The following MAP1LC3A variants were observed in gnomAD, a reference collection of about 807,000 sequenced individuals.
MAP1LC3A encodes microtubule associated protein 1 light chain 3 alpha, also known as microtubule-associated protein 1 light chain 3 alpha.
Under a neutral mutation model 15.2 loss-of-function variants are expected in MAP1LC3A, and 10 were observed. That is an observed-to-expected ratio of 0.66 (90% CI 0.41 to 1.12). The LOEUF (loss-of-function observed/expected upper bound fraction) is 1.12. Among genes scored for constraint, MAP1LC3A ranks in the 50% most tolerant of loss-of-function variants. The pLI is 0.00. For synonymous variants in MAP1LC3A, 63 were observed against 64.3 expected, an observed-to-expected ratio of 0.98 and a Z score of 0.10; for missense variants, 138 against 167.3, an observed-to-expected ratio of 0.82 and a Z score of 0.97.
intron 3 of MAP1LC3A, 68 bp from the exon 4 acceptor site, chr20:34,559,667 TG>T (rs897704526): frequency 6.0e-6 from 9 of 1,492,666 alleles, no homozygotes; most frequent in African/African-American, 4.2e-5. Context: ...GGAATCATTC[TG>T]GGGGTCAGGG....
chr20:34,560,279 C>A lies in MAP1LC3A; in HGVS notation c.*381C>A. The A allele has an allele frequency of 8.9e-6, 2 of 224,244 alleles. No individual in the cohort carries two copies. The highest frequency in any genetic ancestry group is 7.0e-5 in the South Asian group (1 of 14,282). The allele number at this position is 224,244 out of a possible 1,614,324, so 13.9% of individuals were successfully genotyped here. ...CCCCTGGCTCCCCGCCCCTCGGTCT[C>A]CACGTGGTGTATGGATCTGTGGTCA... On this transcript the variant is annotated 3_prime_UTR_variant, in exon 4 of 4. Coordinates refer to ENST00000360668, the MANE Select transcript of MAP1LC3A (RefSeq NM_032514.4).
intron 2 of MAP1LC3A, among the ~76,000 whole-genome samples, chr20:34,551,111 G>A (rs1981929076): frequency 6.6e-6 from 1 of 151,926 alleles, no homozygotes; most frequent in African/African-American, 2.4e-5. Context: ...AATTAGCCAG[G>A]CCTGGTGGCA....
intron 1 of MAP1LC3A, among the ~76,000 whole-genome samples, chr20:34,548,480 G>A (rs1568608985): frequency 2.2e-5 from 3 of 136,630 alleles, no homozygotes; most frequent in South Asian, 4.4e-4. Flanking sequence ...GCCTGAGCAC[G>A]CCCCTGGCTC....
At chr20:34,559,552 G>C (rs1482820358) in intron 3 of MAP1LC3A, 99 bp downstream of exon 3, 1 of 1,295,108 alleles carries the variant, frequency 7.7e-7, no homozygotes, top group East Asian at 2.4e-5. Flanking sequence ...GATGGGACCG[G>C]GCGGTGGGCC....
At position 34,559,867 on chromosome 20, in the gene MAP1LC3A, T is replaced by C; in HGVS notation, c.335T>C (p.Val112Ala). 2 of 1,613,084 alleles carry C rather than the reference T, an allele frequency of 1.2e-6. No individual in the cohort carries two copies. Reference protein sequence around the residue: ...EKDEDGFLYMVYASQETFGF With the variant: ...EKDEDGFLYMAYASQETFGF ...GACGAGGACGGCTTCCTCTATATGG[T>C]CTACGCCTCCCAGGAAACCTTCGGC... Residue 112 changes from valine (V) to alanine (A), a missense_variant, in exon 4 of 4, where the codon GTC becomes GCC. Transcript: ENST00000360668.
At chr20:34,552,670 G>A (rs374117212) in intron 2 of MAP1LC3A, among the ~76,000 whole-genome samples, 19 of 152,368 alleles carry the variant, frequency 1.2e-4, no homozygotes, top group Admixed American at 2.6e-4. Flanking sequence ...TCCTGAGAGC[G>A]GACTGAAGGA....
upstream of MAP1LC3A, among the ~76,000 whole-genome samples, chr20:34,554,364 T>G (rs1262231521): frequency 0.021 from 82 of 3,906 alleles, no homozygotes; most frequent in African/African-American, 0.056. Context: ...GTTTTTTTTT[T>G]TTTTTTTTTT....
intron 2 of MAP1LC3A, among the ~76,000 whole-genome samples, chr20:34,553,353 C>T (rs929930637): frequency 2.6e-5 from 4 of 151,996 alleles, no homozygotes; most frequent in Non-Finnish European, 5.9e-5. Context: ...AGAGGTCAGG[C>T]CACTGGATTC....
intron 2 of MAP1LC3A, among the ~76,000 whole-genome samples, chr20:34,553,519 C>T (rs1006928188): frequency 1.3e-5 from 2 of 152,132 alleles, no homozygotes; most frequent in Non-Finnish European, 2.9e-5. Flanking sequence ...AATCACTTTC[C>T]AAGGCTGACC....
In MAP1LC3A at chr20:34,558,915, C is replaced by T. The variant is rs1982281430; in HGVS notation, c.40+7C>T. On this transcript the variant is annotated splice_region_variant and intron_variant, in intron 1 of 3. Coordinates refer to ENST00000360668, the MANE Select transcript of MAP1LC3A (RefSeq NM_032514.4). The surrounding 1 kb of genome is among the most constrained non-coding windows in gnomAD (Gnocchi z 4.3). ...AAGCAGCGGCGGAGCTTCGGTGAGG[C>T]CCGGCAGGCGAGCTGCGAGCTCTGG... is the stretch of plus-strand genomic sequence containing the variant. 7.2e-7 allele frequency: 1 copy of T among 1,396,910 alleles called. No individual in the cohort carries two copies. Among genetic ancestry groups the T allele is most frequent in the Non-Finnish European group, 9.3e-7 (1 of 1,079,360 alleles). 86.5% of individuals were successfully genotyped at this position (1,396,910 alleles called of 1,614,324 possible).
At chr20:34,557,496 C>T (rs980461436), upstream of MAP1LC3A, among the ~76,000 whole-genome samples, 2 of 152,218 alleles carry the variant, frequency 1.3e-5, no homozygotes, top group African/African-American at 2.4e-5. Flanking sequence ...CTGTGGCCCA[C>T]AAATTAATCA....
upstream of MAP1LC3A, among the ~76,000 whole-genome samples, chr20:34,556,583 A>C (rs1982166600): frequency 6.6e-6 from 1 of 150,764 alleles, no homozygotes; most frequent in South Asian, 2.1e-4. Context: ...TTGTGTTCTT[A>C]ATATATTTTC....
At chr20:34,557,972 T>G (rs944024518), upstream of MAP1LC3A, 1 of 346,106 alleles carries the variant, frequency 2.9e-6, no homozygotes, top group Non-Finnish European at 3.9e-6. Flanking sequence ...GTCTGCGCAT[T>G]CTGCTCTGGA....
rs951981918 is a variant in MAP1LC3A, at chr20:34,558,810, C to T, written c.-59C>T. 3 of 1,414,340 alleles carry T rather than the reference C, an allele frequency of 2.1e-6. No homozygotes were observed. The highest frequency in any genetic ancestry group is 3.2e-5 in the Admixed American group (1 of 31,672). 87.6% of individuals were successfully genotyped at this position (1,414,340 alleles called of 1,614,324 possible). ...GCGCGGAGCCCCCGGAGCCCCCAAA[C>T]CGCAGACACATCCCCGCGCCCCAGA... is the stretch of plus-strand genomic sequence containing the variant. On this transcript the variant is annotated 5_prime_UTR_variant, in exon 1 of 4. Transcript: ENST00000360668. The surrounding 1 kb of genome is among the most constrained non-coding windows in gnomAD (Gnocchi z 4.3).
At chr20:34,551,245 C>CAA (rs529127786) in intron 2 of MAP1LC3A, among the ~76,000 whole-genome samples, 4 of 124,968 alleles carry the variant, frequency 3.2e-5, no homozygotes, top group African/African-American at 5.9e-5. Context: ...GACTCTGTCT[C>CAA]AAAAAAAAAA....
intron 1 of MAP1LC3A, among the ~76,000 whole-genome samples, chr20:34,548,431 G>A (rs1051849916): frequency 5.3e-5 from 8 of 152,190 alleles, no homozygotes; most frequent in Admixed American, 4.6e-4. Context: ...TGGCAGCCCC[G>A]GCCCTCTCAC....
At chr20:34,547,596 G>A (rs559029127) in intron 1 of MAP1LC3A, among the ~76,000 whole-genome samples, 83 of 151,954 alleles carry the variant, frequency 5.5e-4, no homozygotes, top group East Asian at 1.2e-3. Context: ...TGCTCTTCCC[G>A]TGATAGTTCT....
chr20:34,551,089 T>C (rs1251678438), intron 2 of MAP1LC3A, among the ~76,000 whole-genome samples: 1 of 149,372 alleles, frequency 6.7e-6, no homozygotes, highest in South Asian at 2.1e-4. Context: ...CTACTAAAAA[T>C]ACAAAAAAAA....
At chr20:34,553,194 TGAAA>T (rs1394951766) in intron 2 of MAP1LC3A, among the ~76,000 whole-genome samples, 1 of 151,630 alleles carries the variant, frequency 6.6e-6, no homozygotes, top group Non-Finnish European at 1.5e-5. Context: ...ATCTCAAAAA[TGAAA>T]AATAAATAAA....
Sources: gnomAD v4.1 joint callset for allele counts (sites outside exome capture counted in the v4.1 genomes callset) on GRCh38, gnomAD v4.1.1 for gene constraint, Gnocchi (gnomAD v3.1) non-coding constraint, MANE v1.5 for transcripts, NCBI Gene and HGNC (gene_info 2026-07-23, HGNC 2026-07-21) for gene names.